Variants in FARSB observed in about 807,000 individuals in gnomAD.
FARSB encodes the protein phenylalanine--tRNA ligase beta subunit.
In FARSB, 40 loss-of-function variants were observed where a neutral mutation model predicts 69.6. That is an observed-to-expected ratio of 0.57 (90% confidence interval 0.45 to 0.75). The LOEUF (loss-of-function observed/expected upper bound fraction) is 0.75. Among genes scored for constraint, FARSB ranks in the 30% least tolerant of loss-of-function variants. The pLI is 0.00. For synonymous variants in FARSB, 235 were observed against 247.2 expected (o/e 0.95, Z 0.46); for missense variants, 632 against 722.9 (o/e 0.87, Z 1.44).
intron 15 of FARSB, among the ~76,000 whole-genome samples, chr2:222,606,166 C>T (rs1055868543): frequency 1.3e-5 from 2 of 152,102 alleles, no homozygotes; most frequent in Admixed American, 6.6e-5. Flanking sequence ...TGGCTTTTTA[C>T]GTTTCCCAAG....
intron 13 of FARSB, among the ~76,000 whole-genome samples, chr2:222,621,348 G>C (rs1267902058): frequency 6.6e-6 from 1 of 152,082 alleles, no homozygotes; most frequent in East Asian, 1.9e-4. Flanking sequence ...GAGTTCAGTG[G>C]TGCAATCTCG....
intron 15 of FARSB, among the ~76,000 whole-genome samples, chr2:222,610,878 G>A (rs1320907970): frequency 1.3e-5 from 2 of 152,136 alleles, no homozygotes; most frequent in South Asian, 2.1e-4. Context: ...TTAAGCAGCT[G>A]GTAAAGGCAG....
At chr2:222,586,691 A>G (rs1690122051) in intron 16 of FARSB, among the ~76,000 whole-genome samples, 1 of 152,218 alleles carries the variant, frequency 6.6e-6, no homozygotes, top group South Asian at 2.1e-4. Context: ...AAAACAAAAA[A>G]AAGCAGGTTT....
At chr2:222,583,051 G>A (rs1280749018) in intron 16 of FARSB, among the ~76,000 whole-genome samples, 1 of 152,184 alleles carries the variant, frequency 6.6e-6, no homozygotes, top group Non-Finnish European at 1.5e-5. Flanking sequence ...TCATAAGAGG[G>A]AGTTGAACAA....
At chr2:222,597,546 A>T (rs1690451690) in intron 16 of FARSB, among the ~76,000 whole-genome samples, 1 of 152,212 alleles carries the variant, frequency 6.6e-6, no homozygotes, top group South Asian at 2.1e-4. Context: ...TGGAATTCAA[A>T]TTATAACATC....
At chr2:222,621,894 C>G (rs997686098) in intron 13 of FARSB, among the ~76,000 whole-genome samples, 1 of 152,180 alleles carries the variant, frequency 6.6e-6, no homozygotes, top group Non-Finnish European at 1.5e-5. Context: ...AAATTTAGTA[C>G]AAATCTGAAA....
chr2:222,600,292 G>C (rs565134330), intron 15 of FARSB, among the ~76,000 whole-genome samples: 2 of 152,254 alleles, frequency 1.3e-5, no homozygotes, highest in African/African-American at 2.4e-5. Flanking sequence ...TTGGGGGAAA[G>C]AGTGAAAAAC....
intron 6 of FARSB, among the ~76,000 whole-genome samples, chr2:222,633,953 T>C (rs139667161): frequency 6.6e-6 from 1 of 152,336 alleles, no homozygotes; most frequent in African/African-American, 2.4e-5. Flanking sequence ...CTGCTTTTTC[T>C]AAACGACACC....
intron 5 of FARSB, among the ~76,000 whole-genome samples, chr2:222,637,832 A>C (rs1403559596): frequency 6.6e-6 from 1 of 152,092 alleles, no homozygotes; most frequent in Non-Finnish European, 1.5e-5. Context: ...AAAATTTAAA[A>C]ATTAGCCAGG....
In FARSB at chr2:222,578,299, A is replaced by G. The variant is rs190574741; in HGVS notation, c.1619-6277T>C. 1.5e-3 allele frequency among the ~76,000 whole-genome samples: 231 copies of G among 152,346 alleles called. 1 individual carries two copies. Among genetic ancestry groups the G allele is most frequent in the Admixed American group, 0.013 (200 of 15,308 alleles). The stretch of plus-strand genomic sequence containing the variant: ...AAATCTTTAAGGGGATTATTTCTCA[A>G]ACCAAAAGGAATAATTTATTACTTC... On this transcript the variant is annotated intron_variant, in intron 16 of 16. Coordinates refer to ENST00000281828, the MANE Select transcript of FARSB (RefSeq NM_005687.5).
chr2:222,638,597 T>G (rs1691641877), intron 5 of FARSB, among the ~76,000 whole-genome samples: 1 of 152,134 alleles, frequency 6.6e-6, no homozygotes, highest in Non-Finnish European at 1.5e-5. Context: ...CTGAAAAAAA[T>G]GTTGCTACTA....
At chr2:222,585,951 T>A (rs1428619779) in intron 16 of FARSB, among the ~76,000 whole-genome samples, 1 of 152,162 alleles carries the variant, frequency 6.6e-6, no homozygotes, top group Admixed American at 6.5e-5. Flanking sequence ...CAGGATATTA[T>A]CCAGGAGAAC....
chr2:222,640,216 C>T (rs1269860373), intron 4 of FARSB, among the ~76,000 whole-genome samples: 1 of 152,188 alleles, frequency 6.6e-6, no homozygotes, highest in Non-Finnish European at 1.5e-5. Flanking sequence ...TTGGACCAGG[C>T]ACAGAGGCTC....
chr2:222,639,820 T>G, intron 4 of FARSB, 125 bp from the exon 5 acceptor site: 1 of 408,274 alleles, frequency 2.4e-6, no homozygotes, highest in Non-Finnish European at 4.3e-6. Flanking sequence ...TATATATTAA[T>G]TTATTCAGTC....
At chr2:222,630,758 A>G (rs1054336698) in intron 8 of FARSB, among the ~76,000 whole-genome samples, 15 of 152,328 alleles carry the variant, frequency 9.8e-5, no homozygotes, top group African/African-American at 3.6e-4. Flanking sequence ...ACTCCTATAT[A>G]TACAGGCTTC....
intron 2 of FARSB, among the ~76,000 whole-genome samples, chr2:222,646,642 G>A (rs1459940264): frequency 1.3e-5 from 2 of 152,178 alleles, no homozygotes; most frequent in Non-Finnish European, 2.9e-5. Flanking sequence ...ATTTTAATGA[G>A]GAGGTATAAT....
chr2:222,642,766 G>T, intron 3 of FARSB, 85 bp downstream of exon 3: 1 of 1,086,104 alleles, frequency 9.2e-7, no homozygotes, highest in Non-Finnish European at 1.3e-6. Context: ...CTTTTTCCTA[G>T]AAATTTAAAC....
chr2:222,578,119 A>ATATT (rs371926791), intron 16 of FARSB, among the ~76,000 whole-genome samples: 1,684 of 152,314 alleles, frequency 0.011, 14 homozygotes, highest in Middle Eastern at 0.027. Flanking sequence ...CCATCATCCT[A>ATATT]TATTTGTCTG....
chr2:222,586,530 C>T (rs748845204), intron 16 of FARSB, among the ~76,000 whole-genome samples: 37 of 152,014 alleles, frequency 2.4e-4, no homozygotes, highest in Admixed American at 1.0e-3. Flanking sequence ...TAAATGTAAA[C>T]GGACTAAATG....
Sources: allele counts gnomAD v4.1 joint callset (sites outside exome capture counted in the v4.1 genomes callset), GRCh38; gene constraint gnomAD v4.1.1; transcripts MANE v1.5; gene names NCBI Gene and HGNC (gene_info 2026-07-23, HGNC 2026-07-21).